LRMDA: variants seen among roughly 807,000 people sequenced by gnomAD.
LRMDA encodes leucine-rich melanocyte differentiation-associated protein.
Under a neutral mutation model 29.8 loss-of-function variants are expected in LRMDA, and 18 were observed. The ratio of observed to expected loss-of-function variants is 0.60; its 90% CI spans 0.42 to 0.90. The LOEUF is 0.90. LRMDA is among the 40% of genes least tolerant of loss of function. The pLI, the probability that LRMDA is intolerant of heterozygous loss-of-function variation, is 0.00. For synonymous variants in LRMDA, 125 were observed against 109.4 expected (o/e 1.14, Z -0.89); for missense variants, 273 against 273.9 (o/e 1.00, Z 0.02).
At chr10:75,773,168 C>T (rs1218352873) in intron 2 of LRMDA, among the ~76,000 whole-genome samples, 7 of 152,138 alleles carry the variant, frequency 4.6e-5, no homozygotes, top group Non-Finnish European at 1.0e-4. Context: ...CTAGCTTCTA[C>T]TCACTAGGTA....
chr10:76,475,542 A>G (rs1842660111), intron 6 of LRMDA, among the ~76,000 whole-genome samples: 1 of 152,132 alleles, frequency 6.6e-6, no homozygotes, highest in African/African-American at 2.4e-5. Context: ...CTCTGCACCA[A>G]GCAGACCTAA....
intron 6 of LRMDA, among the ~76,000 whole-genome samples, chr10:76,504,297 A>G (rs558542723): frequency 2.0e-5 from 3 of 152,110 alleles, no homozygotes; most frequent in South Asian, 2.1e-4. Context: ...AGAAGAATAT[A>G]TATTCTGTTG....
chr10:75,712,859 A>G (rs890238703), intron 2 of LRMDA, among the ~76,000 whole-genome samples: 5 of 151,146 alleles, frequency 3.3e-5, no homozygotes, highest in Admixed American at 2.0e-4. Context: ...TGAGCGGCTG[A>G]TTATTTCCAA....
At chr10:75,693,985 A>G (rs1474174538) in intron 2 of LRMDA, among the ~76,000 whole-genome samples, 2 of 152,240 alleles carry the variant, frequency 1.3e-5, no homozygotes, top group Non-Finnish European at 2.9e-5. Context: ...TTTTGCTGTT[A>G]ATAATGTTCT....
At chr10:75,905,534 T>G (rs1309465388) in intron 2 of LRMDA, among the ~76,000 whole-genome samples, 1 of 151,910 alleles carries the variant, frequency 6.6e-6, no homozygotes, top group Non-Finnish European at 1.5e-5. Context: ...AATTATCACA[T>G]GTATACCAAA....
At chr10:76,451,228 G>A (rs996436515) in intron 6 of LRMDA, among the ~76,000 whole-genome samples, 3 of 151,502 alleles carry the variant, frequency 2.0e-5, no homozygotes, top group African/African-American at 7.3e-5. Flanking sequence ...TTGAGACAGA[G>A]TCTCGCTCTA....
chr10:76,202,774 CG>C (rs1564684044), intron 5 of LRMDA, among the ~76,000 whole-genome samples: 1 of 151,762 alleles, frequency 6.6e-6, no homozygotes, highest in East Asian at 1.9e-4. Context: ...GAGGAAGGAG[CG>C]GACACTAGAT....
rs539343590 is a variant in LRMDA at position 76,306,594 on chromosome 10, A to T, written c.517-17807A>T. 7.9e-4 allele frequency among the ~76,000 whole-genome samples: 121 copies of T among 152,212 alleles called. 2 individuals carry two copies. Among genetic ancestry groups the T allele is most frequent in the Admixed American group, 4.6e-4 (7 of 15,284 alleles). On this transcript the variant is annotated intron_variant, in intron 5 of 6. Coordinates refer to ENST00000611255, the MANE Select transcript of LRMDA (RefSeq NM_001305581.2). Reference sequence around the variant, plus strand: ...GAACCTGGAGGCTTGGATATATTCAAGGCAAACATCCTTGGCATCTCTTTT... The same window carrying T: ...GAACCTGGAGGCTTGGATATATTCATGGCAAACATCCTTGGCATCTCTTTT...
chr10:75,839,018 G>A (rs1214780538), intron 2 of LRMDA, among the ~76,000 whole-genome samples: 1 of 152,148 alleles, frequency 6.6e-6, no homozygotes, highest in African/African-American at 2.4e-5. Flanking sequence ...TGAAGGATTT[G>A]GGGGAGTCAA....
At chr10:75,679,998 T>G (rs1842005213) in intron 2 of LRMDA, among the ~76,000 whole-genome samples, 1 of 152,240 alleles carries the variant, frequency 6.6e-6, no homozygotes, top group African/African-American at 2.4e-5. Flanking sequence ...ACGCAGTCAG[T>G]CTGACTAGGT....
intron 2 of LRMDA, among the ~76,000 whole-genome samples, chr10:75,955,900 T>C (rs1846655569): frequency 6.6e-6 from 1 of 152,224 alleles, no homozygotes. Flanking sequence ...GGAGTATGTC[T>C]TTATTTTTAA....
At chr10:76,528,961 G>A (rs1187469617) in intron 6 of LRMDA, among the ~76,000 whole-genome samples, 1 of 152,156 alleles carries the variant, frequency 6.6e-6, no homozygotes. Flanking sequence ...CTGTGTATAA[G>A]ATGAAAGAGG....
chr10:76,501,052 A>T (rs557686143), intron 6 of LRMDA, among the ~76,000 whole-genome samples: 1 of 74,092 alleles, frequency 1.3e-5, no homozygotes, highest in African/African-American at 3.3e-5. Flanking sequence ...AGTAGTCTCC[A>T]GTGTTGATCG....
chr10:76,352,020 A>G (rs1277456776), intron 6 of LRMDA, among the ~76,000 whole-genome samples: 1 of 152,162 alleles, frequency 6.6e-6, no homozygotes, highest in African/African-American at 2.4e-5. Flanking sequence ...TGGAGAAGGT[A>G]CTTGACCACT....
chr10:76,040,952 G>A (rs1026831834), intron 3 of LRMDA, among the ~76,000 whole-genome samples: 21 of 152,186 alleles, frequency 1.4e-4, no homozygotes, highest in Admixed American at 1.1e-3. Context: ...CCACTCCAGC[G>A]AGTCAGAGGT....
chr10:75,843,579 G>T (rs1844579410), intron 2 of LRMDA, among the ~76,000 whole-genome samples: 1 of 152,208 alleles, frequency 6.6e-6, no homozygotes, highest in South Asian at 2.1e-4. Flanking sequence ...ACACTCAGCT[G>T]TGAAGATCAG....
chr10:75,684,709 A>C (rs1267167187), intron 2 of LRMDA, among the ~76,000 whole-genome samples: 2 of 152,196 alleles, frequency 1.3e-5, no homozygotes, highest in African/African-American at 4.8e-5. Context: ...GTGTTTTCCA[A>C]GGACTTCAGA....
chr10:75,780,653 T>G (rs899499755), intron 2 of LRMDA, among the ~76,000 whole-genome samples: 1 of 152,142 alleles, frequency 6.6e-6, no homozygotes, highest in South Asian at 2.1e-4. Flanking sequence ...GGGGATGACA[T>G]GCAGGTTCTG....
chr10:76,365,781 TG>T (rs1841385357), intron 6 of LRMDA, among the ~76,000 whole-genome samples: 1 of 152,258 alleles, frequency 6.6e-6, no homozygotes, highest in Non-Finnish European at 1.5e-5. Context: ...TTGTTTTTAT[TG>T]CATTTGCTTT....
Sources: allele counts gnomAD v4.1 joint callset (sites outside exome capture counted in the v4.1 genomes callset), GRCh38; gene constraint gnomAD v4.1.1; transcripts MANE v1.5; gene names NCBI Gene and HGNC (gene_info 2026-07-23, HGNC 2026-07-21).